The following ASIC2 variants were observed in gnomAD, a reference collection of about 807,000 sequenced individuals.
ASIC2 encodes acid-sensing ion channel 2.
Under a neutral mutation model 57.3 loss-of-function variants are expected in ASIC2, and 25 were observed. That is an observed-to-expected ratio of 0.44 (90% CI 0.32 to 0.61). The LOEUF is 0.61. Among genes scored for constraint, ASIC2 ranks in the 20% least tolerant of loss-of-function variants. ASIC2 has a pLI of 0.06. For missense variants in ASIC2, 641 were observed against 738.1 expected (o/e 0.87, Z 1.52); for synonymous variants, 319 against 307.5 (o/e 1.04, Z -0.39).
chr17:33,749,965 G>A (rs916360130), intron 1 of ASIC2, among the ~76,000 whole-genome samples: 1 of 152,160 alleles, frequency 6.6e-6, no homozygotes, highest in African/African-American at 2.4e-5. Context: ...CTTCTGCCAG[G>A]CGGGACCTCA....
intron 1 of ASIC2, among the ~76,000 whole-genome samples, chr17:33,464,856 CT>C (rs1359985556): frequency 1.3e-5 from 2 of 151,958 alleles, no homozygotes; most frequent in South Asian, 2.1e-4. Flanking sequence ...CTAGGCCCCC[CT>C]GAGTCATAGG....
At chr17:33,031,388 GTATT>G (rs2091882993) in intron 3 of ASIC2, among the ~76,000 whole-genome samples, 1 of 151,918 alleles carries the variant, frequency 6.6e-6, no homozygotes, top group African/African-American at 2.4e-5. Context: ...CTGGTAATTT[GTATT>G]CTATTTTTCC....
At chr17:33,896,878 C>A (rs1483832578) in intron 1 of ASIC2, among the ~76,000 whole-genome samples, 2 of 152,240 alleles carry the variant, frequency 1.3e-5, no homozygotes, top group Non-Finnish European at 2.9e-5. Flanking sequence ...CAGGGTTGCA[C>A]AACATGGTGG....
chr17:33,861,977 C>G (rs1379921740), intron 1 of ASIC2, among the ~76,000 whole-genome samples: 1 of 152,226 alleles, frequency 6.6e-6, no homozygotes, highest in African/African-American at 2.4e-5. Flanking sequence ...TCTGGTCCCT[C>G]CTGCATCAAG....
chr17:33,684,881 C>T (rs1476823434), intron 1 of ASIC2, among the ~76,000 whole-genome samples: 5 of 151,750 alleles, frequency 3.3e-5, no homozygotes, highest in Non-Finnish European at 5.9e-5. Flanking sequence ...GTGTTCTGTA[C>T]GGAGCTGGAA....
At chr17:33,345,090 A>C (rs1907891333) in intron 1 of ASIC2, among the ~76,000 whole-genome samples, 1 of 152,216 alleles carries the variant, frequency 6.6e-6, no homozygotes, top group African/African-American at 2.4e-5. Flanking sequence ...TCTTGCCAAG[A>C]AGGCTGTCAT....
At chr17:34,039,772 GACTC>G in intron 1 of ASIC2, 1 of 1,611,748 alleles carries the variant, frequency 6.2e-7, no homozygotes, top group Non-Finnish European at 8.5e-7. Flanking sequence ...CTGGTTGGAA[GACTC>G]ACTATTAAGT....
At chr17:33,385,296 CCT>C (rs1457562828) in intron 1 of ASIC2, among the ~76,000 whole-genome samples, 2 of 152,166 alleles carry the variant, frequency 1.3e-5, no homozygotes, top group African/African-American at 2.4e-5. Context: ...CTCCCCAGCC[CCT>C]GAGCCCCTCC....
At chr17:33,202,902 G>A (rs1430215029) in intron 1 of ASIC2, among the ~76,000 whole-genome samples, 2 of 152,014 alleles carry the variant, frequency 1.3e-5, no homozygotes, top group African/African-American at 2.4e-5. Flanking sequence ...GTTTTTCTCC[G>A]GGGACCACCC....
chr17:34,100,735 G>C (rs952640495), intron 1 of ASIC2, among the ~76,000 whole-genome samples: 4 of 152,138 alleles, frequency 2.6e-5, no homozygotes, highest in Non-Finnish European at 5.9e-5. Context: ...CCTTCAACTT[G>C]AAATCTCTTC....
At chr17:33,044,383 T>C (rs2091943113) in intron 3 of ASIC2, among the ~76,000 whole-genome samples, 1 of 151,992 alleles carries the variant, frequency 6.6e-6, no homozygotes, top group Non-Finnish European at 1.5e-5. Context: ...TATTTTTTTA[T>C]TTTTTTTGAG....
intron 1 of ASIC2, among the ~76,000 whole-genome samples, chr17:33,799,420 T>TTTC (rs1567719009): frequency 9.9e-4 from 73 of 73,438 alleles, no homozygotes; most frequent in African/African-American, 1.7e-3. Context: ...TCTTTCTTTC[T>TTTC]TTCTTTCTTC....
intron 1 of ASIC2, among the ~76,000 whole-genome samples, chr17:33,830,547 TA>T (rs530694983): frequency 0.024 from 1,303 of 54,390 alleles, 17 homozygotes; most frequent in African/African-American, 0.088. Context: ...ATATTTACAT[TA>T]AAAAAATTTT....
At chr17:34,099,113 AGAGAGAGAGAGAGAGAGAGAGAGAGAGAG>A (rs1567820556) in intron 1 of ASIC2, among the ~76,000 whole-genome samples, 2,426 of 34,530 alleles carry the variant, frequency 0.07, 33 homozygotes, top group Middle Eastern at 0.12. Context: ...AGAGAGAGAG[AGAGAGAGAGAGAGAGAGAGAGAGAGAGAG>A]AGACAGAGAG....
At chr17:33,984,711 G>T (rs1212291678) in intron 1 of ASIC2, among the ~76,000 whole-genome samples, 4 of 152,194 alleles carry the variant, frequency 2.6e-5, no homozygotes, top group Non-Finnish European at 5.9e-5. Flanking sequence ...TGGAAATAAT[G>T]AAGATGAGAT....
intron 1 of ASIC2, among the ~76,000 whole-genome samples, chr17:33,314,538 T>C (rs1376345611): frequency 6.6e-6 from 1 of 152,258 alleles, no homozygotes; most frequent in Non-Finnish European, 1.5e-5. Flanking sequence ...ATGTTCTCAC[T>C]GAAGTCTGCC....
intron 1 of ASIC2, chr17:34,082,209 ACTCT>A (rs1389307813): frequency 6.6e-6 from 1 of 151,872 alleles, no homozygotes; most frequent in African/African-American, 2.4e-5. Flanking sequence ...TCCTTCAGGC[ACTCT>A]CTCTGAATGC....
intron 1 of ASIC2, among the ~76,000 whole-genome samples, chr17:33,191,894 C>T (rs2142068860): frequency 6.6e-6 from 1 of 151,694 alleles, no homozygotes; most frequent in African/African-American, 2.4e-5. Flanking sequence ...ATGCCTTTTC[C>T]TCAATCCTCC....
chr17:33,087,576 T>G (rs989966231), intron 3 of ASIC2, among the ~76,000 whole-genome samples: 1 of 19,964 alleles, frequency 5.0e-5, no homozygotes, highest in African/African-American at 2.2e-4. Flanking sequence ...ACAACCAGTG[T>G]TTTTTTTTTT....
Sources: gnomAD v4.1 joint callset for allele counts (sites outside exome capture counted in the v4.1 genomes callset) on GRCh38, gnomAD v4.1.1 for gene constraint, MANE v1.5 for transcripts, NCBI Gene and HGNC (gene_info 2026-07-23, HGNC 2026-07-21) for gene names.